The following THBS4 variants were observed in gnomAD, a reference collection of about 807,000 sequenced individuals.
THBS4 encodes thrombospondin 4, also known as thrombospondin-4.
THBS4 carries 90 observed loss-of-function variants against 115.7 expected under a neutral mutation model. That is an observed-to-expected ratio of 0.78 (90% CI 0.66 to 0.93). The LOEUF (loss-of-function observed/expected upper bound fraction) is 0.93, where lower values mean the gene tolerates loss of function less well. THBS4 is among the 40% of genes least tolerant of loss of function. The pLI, the probability that THBS4 is intolerant of heterozygous loss-of-function variation, is 0.00. For synonymous variants in THBS4, 460 were observed against 479.3 expected (o/e 0.96, Z 0.53); for missense variants, 1,087 against 1,232.7 (o/e 0.88, Z 1.77).
intron 2 of THBS4, among the ~76,000 whole-genome samples, chr5:80,006,611 C>G (rs1207511270): frequency 6.6e-6 from 1 of 152,208 alleles, no homozygotes; most frequent in Non-Finnish European, 1.5e-5. Flanking sequence ...TCTTGCCACT[C>G]ACTGTCAGAT....
At chr5:80,071,211 G>A in intron 13 of THBS4, 31 bp downstream of exon 13, 1 of 1,556,306 alleles carries the variant, frequency 6.4e-7, no homozygotes, top group Non-Finnish European at 8.6e-7. Context: ...TCTTTTATTT[G>A]GAATTCAGTT....
At position 80,056,959 on chromosome 5, in the gene THBS4, A is replaced by G. The variant is rs530990349; in HGVS notation, c.540+927A>G. On this transcript the variant is annotated intron_variant, in intron 3 of 21. Transcript: ENST00000350881. Reference sequence around the variant, plus strand: ...GCTGTGCAGTTTTAGATAGTAATATAAAAACTATGAATCTGATCCTAGAAG... The same window carrying G: ...GCTGTGCAGTTTTAGATAGTAATATGAAAACTATGAATCTGATCCTAGAAG... 5.3e-5 allele frequency among the ~76,000 whole-genome samples: 8 copies of G among 152,326 alleles called. No individual in the cohort carries two copies. The East Asian group carries it at 1.5e-3, about 29-fold the overall frequency.
intron 2 of THBS4, among the ~76,000 whole-genome samples, chr5:80,043,976 T>C (rs530410620): frequency 1.6e-4 from 24 of 152,326 alleles, no homozygotes; most frequent in African/African-American, 5.8e-4. Context: ...AGATAGGCTA[T>C]TGCCATTCCT....
rs1743567771 is a variant in THBS4 at position 80,082,507 on chromosome 5, A to AAAAC, written c.2788_2791dup (p.Ile931LysfsTer13). The AAAAC allele has an allele frequency of 5.0e-6, 8 of 1,614,202 alleles. No individual in the cohort carries two copies. The East Asian group carries it at 1.8e-4, about 36-fold the overall frequency. On this transcript the variant is annotated frameshift_variant, in exon 21 of 22. Coordinates refer to ENST00000350881, the MANE Select transcript of THBS4 (RefSeq NM_003248.6). LOFTEE classifies it high-confidence loss of function. ...CTTGGCGTTTTCTGCTTCTCTCAAG[A>AAAAC]AAACATCATCTGGTCCAACCTCAAG...
chr5:80,074,682 C>A (rs930388053), intron 15 of THBS4, among the ~76,000 whole-genome samples: 1 of 150,326 alleles, frequency 6.7e-6, no homozygotes, highest in Non-Finnish European at 1.5e-5. Context: ...GGCGTGATCT[C>A]GGCTCACTGC....
At chr5:80,011,854 G>C (rs1252820055) in intron 2 of THBS4, among the ~76,000 whole-genome samples, 1 of 150,782 alleles carries the variant, frequency 6.6e-6, no homozygotes, top group African/African-American at 2.5e-5. Flanking sequence ...GATAAAATAT[G>C]CTGAGAAACG....
At chr5:80,019,612 G>C (rs1032871213) in intron 2 of THBS4, 1 of 153,784 alleles carries the variant, frequency 6.5e-6, no homozygotes, top group Non-Finnish European at 1.5e-5. Context: ...GTCCAAAATG[G>C]CAGTGGCAAT....
chr5:79,994,792 C>T (rs1265107255), intron 1 of THBS4, among the ~76,000 whole-genome samples: 1 of 152,146 alleles, frequency 6.6e-6, no homozygotes, highest in Non-Finnish European at 1.5e-5. Context: ...CTTTTAGAGG[C>T]ACAGTTGATG....
chr5:80,022,688 C>CA (rs1168030561), intron 2 of THBS4, among the ~76,000 whole-genome samples: 3 of 151,924 alleles, frequency 2.0e-5, no homozygotes. Flanking sequence ...ACATTCTGTA[C>CA]AAAAAAAAGT....
chr5:80,055,710 T>C (rs1833400727), intron 2 of THBS4, 75 bp from the exon 3 acceptor site: 4 of 1,555,546 alleles, frequency 2.6e-6, no homozygotes, highest in Non-Finnish European at 3.5e-6. Context: ...AGGACACTTA[T>C]CACACCATTT....
At chr5:80,066,658 C>T (rs1368697238) in intron 9 of THBS4, 1 of 152,154 alleles carries the variant, frequency 6.6e-6, no homozygotes, top group African/African-American at 2.4e-5. Context: ...ACACATCTTC[C>T]AGGTTGGCTA....
chr5:80,040,165 T>C lies in THBS4; in HGVS notation c.177T>C (p.Tyr59=). 6.2e-7 allele frequency: 1 copy of C among 1,614,188 alleles called. No individual in the cohort carries two copies. Among genetic ancestry groups the C allele is most frequent in the Non-Finnish European group, 8.5e-7 (1 of 1,180,042 alleles). Residue 59 remains tyrosine (Y), a synonymous_variant, in exon 2 of 22, where the codon TAT becomes TAC. Coordinates refer to ENST00000350881, the MANE Select transcript of THBS4 (RefSeq NM_003248.6). ...CAGACCCCGCCCTGAATGATCTCTA[T>C]GTGATTTCCACCTTCAAGCTGCAGA... The part of the protein sequence containing the change: ...VLTDPALNDL[Y]VISTFKLQTK...
intron 2 of THBS4, among the ~76,000 whole-genome samples, chr5:80,016,763 C>T (rs1048588862): frequency 2.0e-5 from 3 of 152,006 alleles, no homozygotes; most frequent in Non-Finnish European, 2.9e-5. Context: ...TTGCACTGCC[C>T]GCAGCTACCC....
chr5:80,018,832 T>A (rs961332037), intron 2 of THBS4, among the ~76,000 whole-genome samples: 1 of 152,190 alleles, frequency 6.6e-6, no homozygotes, highest in Non-Finnish European at 1.5e-5. Context: ...TCTGTGAAAG[T>A]GTGATGTTGT....
intron 7 of THBS4, among the ~76,000 whole-genome samples, chr5:80,060,646 G>A (rs527872923): frequency 6.6e-6 from 1 of 152,180 alleles, no homozygotes; most frequent in African/African-American, 2.4e-5. Context: ...TGTGGTCCCA[G>A]CTACTCTGGA....
chr5:80,041,468 C>G (rs1832899783), intron 2 of THBS4, among the ~76,000 whole-genome samples: 1 of 152,164 alleles, frequency 6.6e-6, no homozygotes, highest in South Asian at 2.1e-4. Flanking sequence ...CCCTTTGAAG[C>G]CAGTGCTCAG....
Position 80,028,889 on chromosome 5 carries a change from ACC to A in THBS4, n.178-11186_178-11185del, listed in dbSNP as rs200412917. Among the ~76,000 whole-genome samples, 1,779 of 151,490 alleles carry A rather than the reference ACC, an allele frequency of 0.012. 127 individuals carry two copies. In the East Asian group the frequency reaches 0.2, roughly 17 times the overall value. On this transcript the variant is annotated intron_variant and non_coding_transcript_variant, in intron 2 of 3. Transcript: ENST00000510218. ...CCCCCTCCCTGTTTTTTCTTATTTT[ACC>A]CACTCTTTTTATATAGTCTCATCTG...
At chr5:80,036,544 T>C (rs17885143) in intron 1 of THBS4, among the ~76,000 whole-genome samples, 2 of 152,194 alleles carry the variant, frequency 1.3e-5, no homozygotes, top group African/African-American at 4.8e-5. Flanking sequence ...ATTGATCTTT[T>C]TCTATGAAAC....
At chr5:80,076,330 T>C (rs1321948237) in intron 15 of THBS4, 1 of 152,234 alleles carries the variant, frequency 6.6e-6, no homozygotes, top group Non-Finnish European at 1.5e-5. Context: ...CTTTTTCATA[T>C]ATTGAAATTT....
Sources: gnomAD v4.1 joint callset for allele counts (sites outside exome capture counted in the v4.1 genomes callset) on GRCh38, gnomAD v4.1.1 for gene constraint, MANE v1.5 for transcripts, NCBI Gene and HGNC (gene_info 2026-07-23, HGNC 2026-07-21) for gene names.